Variants in WARS2 observed in about 807,000 individuals in gnomAD.
WARS2 encodes the protein tryptophan--tRNA ligase, mitochondrial.
In WARS2, 28 loss-of-function variants were observed where a neutral mutation model predicts 36.5. That is an observed-to-expected ratio of 0.77 (90% confidence interval 0.57 to 1.05). WARS2 has a LOEUF of 1.05. Ranked by LOEUF, WARS2 falls within the 50% of genes least tolerant of loss-of-function variation. The pLI is 0.00. For synonymous variants in WARS2, 174 were observed against 178.4 expected (o/e 0.98, Z 0.20); for missense variants, 435 against 456.8 (o/e 0.95, Z 0.44).
chr1:119,130,378 G>A (rs1438979921), intron 1 of WARS2, among the ~76,000 whole-genome samples: 2 of 152,096 alleles, frequency 1.3e-5, no homozygotes, highest in African/African-American at 4.8e-5. Context: ...ACAAACCTCA[G>A]TATAATATAA....
At chr1:119,137,359 G>A (rs980704061) in intron 1 of WARS2, among the ~76,000 whole-genome samples, 22 of 152,092 alleles carry the variant, frequency 1.4e-4, no homozygotes, top group African/African-American at 4.6e-4. Flanking sequence ...CTTTTTAGGC[G>A]TAATTCTTCA....
rs749515082 is a variant in WARS2 at position 119,042,270 on chromosome 1, A to C, written c.509T>G (p.Leu170Trp). ...GGCTGAACTCTCTTCTTACTTGTAC[A>C]ACAGAATGTCGGCTGCCTGGAGTAC... Reference protein sequence around the residue: ...YPVLQAADILLYKSTHVPVGE... With the variant: ...YPVLQAADILWYKSTHVPVGE... The change falls in exon 4 of 6, where the codon TTG (leucine) becomes TGG (tryptophan). Residue 170 changes from leucine to tryptophan, a missense_variant. Leu to Trp is a moderately conservative substitution (Grantham distance 61). Coordinates refer to ENST00000235521, the MANE Select transcript of WARS2 (RefSeq NM_015836.4). 1 of 1,613,924 alleles carries C rather than the reference A, an allele frequency of 6.2e-7. No individual in the cohort carries two copies.
At chr1:119,073,657 G>A (rs1651501316) in intron 2 of WARS2, among the ~76,000 whole-genome samples, 1 of 152,170 alleles carries the variant, frequency 6.6e-6, no homozygotes, top group Admixed American at 6.5e-5. Flanking sequence ...TAGACCCAAT[G>A]AGCTCATTAG....
rs1396786699 is a variant in WARS2, at chr1:119,058,473, C to A, written c.349-12811G>T. ...TCCCTCCCCCCTCCCCCAACCCCAC[C>A]ACAGTCCCCAGAGTGTGATATTCCC... On this transcript the variant is annotated intron_variant, in intron 2 of 5. Coordinates refer to ENST00000235521, the MANE Select transcript of WARS2 (RefSeq NM_015836.4). 9.7e-5 allele frequency among the ~76,000 whole-genome samples: 13 copies of A among 133,850 alleles called. No individual in the cohort carries two copies. In the East Asian group the frequency reaches 2.5e-3, roughly 26 times the overall value. The allele number at this position is 133,850 out of a possible 152,430, so 87.8% of individuals were successfully genotyped here. A position where few individuals can be genotyped will look rare whatever the true frequency, so the allele number is the denominator to read the frequency against.
In WARS2 at chr1:119,076,454, G is replaced by T; in HGVS notation, c.244C>A (p.Pro82Thr). The change falls in exon 2 of 6, where the codon CCC becomes ACC. Residue 82 changes from proline to threonine, a missense_variant. By Grantham distance (38) the Pro-to-Thr change is conservative. Coordinates refer to ENST00000235521, the MANE Select transcript of WARS2 (RefSeq NM_015836.4). ...SIVDLHSITV[P>T]QDPAVLRQSI... is the part of the protein sequence containing the mutation. ...TGCCGAAGGACAGCTGGGTCTTGGG[G>T]GACAGTAATGGAGTGGAGGTCAACA... is the stretch of plus-strand genomic sequence containing the variant. The T allele has an allele frequency of 6.2e-7, 1 of 1,614,130 alleles. No individual in the cohort carries two copies. Among genetic ancestry groups the T allele is most frequent in the Non-Finnish European group, 8.5e-7 (1 of 1,180,010 alleles).
chr1:119,071,192 T>A (rs1210061269), intron 2 of WARS2, among the ~76,000 whole-genome samples: 1 of 151,958 alleles, frequency 6.6e-6, no homozygotes, highest in African/African-American at 2.4e-5. Context: ...AACAAGATAA[T>A]ATGTGTTGGC....
At chr1:119,050,375 A>G (rs1649241087) in intron 2 of WARS2, among the ~76,000 whole-genome samples, 1 of 152,108 alleles carries the variant, frequency 6.6e-6, no homozygotes, top group Admixed American at 6.5e-5. Flanking sequence ...CTTTTTCCAT[A>G]TCACTCATCA....
At chr1:119,081,993 G>C (rs1652228074) in intron 1 of WARS2, among the ~76,000 whole-genome samples, 1 of 151,942 alleles carries the variant, frequency 6.6e-6, no homozygotes, top group Admixed American at 6.6e-5. Flanking sequence ...CATCTGCTTA[G>C]AAATAAAACC....
intron 1 of WARS2, among the ~76,000 whole-genome samples, chr1:119,091,958 A>G (rs1653079133): frequency 6.6e-6 from 1 of 152,230 alleles, no homozygotes; most frequent in Non-Finnish European, 1.5e-5. Context: ...CTTCGGAAGG[A>G]TAATTCACAG....
At position 119,033,310 on chromosome 1, in the gene WARS2, C is replaced by T. The variant is rs77497675; in HGVS notation, c.684G>A (p.Ser228=). 732 of 1,614,166 alleles carry T rather than the reference C, an allele frequency of 4.5e-4. 4 individuals carry two copies. In the African/African-American group the frequency reaches 8.6e-3, roughly 19 times the overall value. The change falls in exon 6 of 6, where the codon TCG becomes TCA. Residue 228 remains serine (S), a synonymous_variant. Transcript: ENST00000235521. ...TGGCCAGTTTGTCAGGGTCTGATTT[C>T]GACATTTTGGCAGAAGGATCACGTA... ...KSLRDPSAKM[S]KSDPDKLATV...
chr1:119,128,889 G>C (rs1299917343), intron 1 of WARS2, among the ~76,000 whole-genome samples: 2 of 152,228 alleles, frequency 1.3e-5, no homozygotes, highest in African/African-American at 4.8e-5. Context: ...GGCAAGCTGT[G>C]TCTCTATTTT....
chr1:119,050,067 G>A (rs559535208), intron 2 of WARS2, among the ~76,000 whole-genome samples: 2 of 152,254 alleles, frequency 1.3e-5, no homozygotes, highest in East Asian at 1.9e-4. Flanking sequence ...TGTAAGATGA[G>A]GCAAAGTCAT....
intron 1 of WARS2, 181 bp downstream of exon 1, chr1:119,140,374 C>T (rs923224815): frequency 3.0e-5 from 14 of 460,786 alleles, no homozygotes; most frequent in Non-Finnish European, 4.8e-5. Context: ...TACGTCATCA[C>T]GTATCCTTGC....
intron 2 of WARS2, among the ~76,000 whole-genome samples, chr1:119,073,992 T>C (rs1196274280): frequency 6.6e-6 from 1 of 152,226 alleles, no homozygotes; most frequent in Non-Finnish European, 1.5e-5. Context: ...TTGTGGAGAT[T>C]AGACATTCAT....
chr1:119,096,829 C>T (rs1313815077), intron 1 of WARS2, among the ~76,000 whole-genome samples: 1 of 152,074 alleles, frequency 6.6e-6, no homozygotes, highest in African/African-American at 2.4e-5. Context: ...CAATTTCAAA[C>T]ACGTGGTTTG....
intron 3 of WARS2, 86 bp downstream of exon 3, chr1:119,045,496 G>T: frequency 1.8e-6 from 2 of 1,131,344 alleles, no homozygotes; most frequent in Non-Finnish European, 2.6e-6. Context: ...AGACCAGGGA[G>T]GAGAGTAAAC....
chr1:119,108,077 G>A (rs1207931472), intron 1 of WARS2, among the ~76,000 whole-genome samples: 2 of 151,892 alleles, frequency 1.3e-5, no homozygotes, highest in African/African-American at 4.8e-5. Context: ...GATTCACTTT[G>A]CTAGTATTTT....
At chr1:119,056,486 T>A (rs1649822015) in intron 2 of WARS2, among the ~76,000 whole-genome samples, 1 of 148,476 alleles carries the variant, frequency 6.7e-6, no homozygotes, top group African/African-American at 2.4e-5. Flanking sequence ...ATATATTTAG[T>A]CCATATACAT....
chr1:119,089,025 A>C (rs916640707), intron 1 of WARS2, among the ~76,000 whole-genome samples: 8 of 152,194 alleles, frequency 5.3e-5, no homozygotes, highest in African/African-American at 1.7e-4. Context: ...GCCTTGGCTA[A>C]GTGAAGCTGA....
Sources: allele counts gnomAD v4.1 joint callset (sites outside exome capture counted in the v4.1 genomes callset), GRCh38; gene constraint gnomAD v4.1.1; transcripts MANE v1.5; gene names NCBI Gene and HGNC (gene_info 2026-07-23, HGNC 2026-07-21).